The following EIF4E2 variants were observed in gnomAD, a reference collection of about 807,000 sequenced individuals.
EIF4E2 encodes the protein eukaryotic translation initiation factor 4E family member 2.
A neutral mutation model predicts 34.2 loss-of-function variants in EIF4E2; 13 were observed. The observed-to-expected ratio is 0.38, with a 90% CI of 0.25 to 0.60. The LOEUF is 0.60. Ranked by LOEUF, EIF4E2 falls within the 20% of genes least tolerant of loss-of-function variation. The pLI, the probability that EIF4E2 is intolerant of heterozygous loss-of-function variation, is 0.62. For synonymous variants in EIF4E2, 100 were observed against 106.6 expected (o/e 0.94, Z 0.38); for missense variants, 222 against 315.1 (o/e 0.70, Z 2.24).
downstream of EIF4E2, among the ~76,000 whole-genome samples, chr2:232,570,874 T>C (rs1693075017): frequency 6.6e-6 from 1 of 151,142 alleles, no homozygotes; most frequent in African/African-American, 2.4e-5. Flanking sequence ...GAGGTGGAGG[T>C]TGCAGGGGGC....
intron 2 of EIF4E2, 53 bp downstream of exon 2, chr2:232,556,583 T>G: frequency 8.0e-7 from 1 of 1,252,614 alleles, no homozygotes; most frequent in African/African-American, 1.5e-5. Context: ...ACTTTTATTA[T>G]CTTGTGGAAT....
At chr2:232,559,407 A>C (rs1179978136) in intron 3 of EIF4E2, among the ~76,000 whole-genome samples, 1 of 149,822 alleles carries the variant, frequency 6.7e-6, no homozygotes, top group Non-Finnish European at 1.5e-5. Flanking sequence ...ACAGTCTTGC[A>C]TATTACTTTT....
intron 1 of EIF4E2, among the ~76,000 whole-genome samples, chr2:232,552,708 G>T (rs980864359): frequency 6.6e-6 from 1 of 151,572 alleles, no homozygotes; most frequent in African/African-American, 2.4e-5. Context: ...CCTCTTCTAC[G>T]ATTGAAGAAC....
At chr2:232,569,289 G>A, downstream of EIF4E2, 1 of 1,256,556 alleles carries the variant, frequency 8.0e-7, no homozygotes, top group Non-Finnish European at 1.0e-6. Context: ...TTAAGGGATG[G>A]CACAGACTTT....
chr2:232,576,155 G>A (rs1693212871), intron 6 of EIF4E2, among the ~76,000 whole-genome samples: 1 of 151,754 alleles, frequency 6.6e-6, no homozygotes, highest in African/African-American at 2.4e-5. Context: ...AGTGAGCCAA[G>A]ATCATGCCAC....
At chr2:232,575,631 GTGTC>G (rs1693193594) in intron 6 of EIF4E2, among the ~76,000 whole-genome samples, 1 of 152,130 alleles carries the variant, frequency 6.6e-6, no homozygotes, top group Admixed American at 6.5e-5. Context: ...ATATATATAA[GTGTC>G]TGTATATATA....
intron 1 of EIF4E2, 142 bp from the exon 2 acceptor site, chr2:232,556,274 A>T: frequency 1.6e-6 from 1 of 633,612 alleles, no homozygotes; most frequent in Non-Finnish European, 2.8e-6. Context: ...TGTCTGTGTT[A>T]TTTTGCCCTT....
Position 232,566,739 on chromosome 2 carries a change from G to A in EIF4E2, c.376-90G>A. 2 of 1,447,294 alleles carry A rather than the reference G, an allele frequency of 1.4e-6. No individual in the cohort carries two copies. The highest frequency in any genetic ancestry group is 2.3e-5 in the East Asian group (1 of 43,584). 89.7% of individuals were successfully genotyped at this position (1,447,294 alleles called of 1,614,324 possible). On this transcript the variant is annotated intron_variant, in intron 4 of 6. Transcript: ENST00000258416. This position sits in a 1 kb window ranked among gnomAD's most constrained non-coding sequence, Gnocchi z 4.9. ...TTGGAAAGTGATATGACTTCTTAGT[G>A]TTTAAGAGATTCTTGGCTTTTTACT...
intron 4 of EIF4E2, among the ~76,000 whole-genome samples, chr2:232,565,238 C>T (rs1433271059): frequency 6.6e-6 from 1 of 152,230 alleles, no homozygotes; most frequent in Non-Finnish European, 1.5e-5. Flanking sequence ...TCTTCCCTTC[C>T]CTGCAGGTGG....
chr2:232,551,961 C>T (rs773226918), intron 1 of EIF4E2, among the ~76,000 whole-genome samples: 143 of 152,126 alleles, frequency 9.4e-4, no homozygotes, highest in Non-Finnish European at 1.5e-3. Context: ...CTCTACGAAC[C>T]TCTCCCCCGC....
chr2:232,566,830 A>T lies in EIF4E2; in HGVS notation c.377A>T (p.Asp126Val). The T allele has an allele frequency of 6.2e-7, 1 of 1,614,108 alleles. No individual in the cohort carries two copies. The highest frequency in any genetic ancestry group is 8.5e-7 in the Non-Finnish European group (1 of 1,180,024). The change falls in exon 5 of 7, where the codon GAT (aspartate) becomes GTT (valine). Residue 126 changes from aspartate (D) to valine (V), a missense_variant and splice_region_variant. Physicochemically the swap from Asp to Val is radical, Grantham distance 152 (BLOSUM62 -3). This residue lies in a region of EIF4E2 where 105 missense variants were observed against 195.1 expected (regional missense o/e 0.54). Transcript: ENST00000258416. The surrounding 1 kb of genome is among the most constrained non-coding windows in gnomAD (Gnocchi z 4.9). ...TCAGTGCTTTCTGTCTTTTTACAGG[A>T]TGATGCAAATAAAAATGGTGGCAAG... is the stretch of plus-strand genomic sequence containing the variant. Reference protein sequence around the residue: ...FKEGIKPMWEDDANKNGGKWI... With the variant: ...FKEGIKPMWEVDANKNGGKWI...
chr2:232,554,002 G>C (rs1189227989), intron 1 of EIF4E2: 1 of 152,260 alleles, frequency 6.6e-6, no homozygotes, highest in Non-Finnish European at 1.5e-5. Context: ...TGGAAGCTAA[G>C]AAGGGAGGAA....
At chr2:232,563,227 A>G (rs777311122) in intron 3 of EIF4E2, among the ~76,000 whole-genome samples, 9 of 152,076 alleles carry the variant, frequency 5.9e-5, no homozygotes, top group Non-Finnish European at 1.3e-4. Context: ...AGTACTTACT[A>G]CGTATCCTCT....
At chr2:232,573,699 TAAG>T (rs1314885862), downstream of EIF4E2, 1 of 187,172 alleles carries the variant, frequency 5.3e-6, no homozygotes, top group East Asian at 1.4e-4. Flanking sequence ...CATAAGCACT[TAAG>T]AAACAGGTGG....
At chr2:232,560,608 T>A (rs1687247852) in intron 3 of EIF4E2, among the ~76,000 whole-genome samples, 4 of 152,200 alleles carry the variant, frequency 2.6e-5, no homozygotes, top group Admixed American at 2.6e-4. Flanking sequence ...AGACCCCATC[T>A]GTATAGGATT....
chr2:232,580,084 C>CCACACACACACACACA (rs6147227), intron 6 of EIF4E2, among the ~76,000 whole-genome samples: 200 of 145,270 alleles, frequency 1.4e-3, no homozygotes, highest in Admixed American at 2.0e-3. Flanking sequence ...CACATACATA[C>CCACACACACACACACA]CACACACACA....
chr2:232,580,866 T>C (rs552515793), intron 6 of EIF4E2: 1 of 1,520,782 alleles, frequency 6.6e-7, no homozygotes, highest in South Asian at 1.2e-5. Context: ...ATGATCCTTG[T>C]ATTGAACACT....
chr2:232,574,195 T>C, downstream of EIF4E2: 1 of 1,471,130 alleles, frequency 6.8e-7, no homozygotes, highest in Non-Finnish European at 9.3e-7. Context: ...GGTTATTGTG[T>C]CTGCTCTCTG....
intron 6 of EIF4E2, among the ~76,000 whole-genome samples, chr2:232,579,357 G>C (rs2106258336): frequency 6.6e-6 from 1 of 152,300 alleles, no homozygotes; most frequent in East Asian, 1.9e-4. Context: ...GATAGTTGAA[G>C]TGCTAAGTAG....
Sources: gnomAD v4.1 joint callset for allele counts (sites outside exome capture counted in the v4.1 genomes callset) on GRCh38, gnomAD v4.1.1 for gene constraint, gnomAD v4.1.1 regional missense constraint, Gnocchi (gnomAD v3.1) non-coding constraint, MANE v1.5 for transcripts, NCBI Gene and HGNC (gene_info 2026-07-23, HGNC 2026-07-21) for gene names.